Variants in RAB11A observed in about 807,000 individuals in gnomAD.
RAB11A encodes the protein RAB11A, member RAS oncogene family.
In RAB11A, 9 loss-of-function variants were observed where a neutral mutation model predicts 28.0. The ratio of observed to expected loss-of-function variants is 0.32; its 90% CI spans 0.19 to 0.56. RAB11A has a LOEUF of 0.56. RAB11A is among the 20% of genes least tolerant of loss of function. The pLI, the probability that RAB11A is intolerant of heterozygous loss-of-function variation, is 0.91. For synonymous variants in RAB11A, 85 were observed against 88.2 expected (o/e 0.96, Z 0.20); for missense variants, 108 against 269.6 (o/e 0.40, Z 4.20).
At chr15:65,882,028 T>G (rs77186266) in intron 4 of RAB11A, among the ~76,000 whole-genome samples, 27,107 of 151,978 alleles carry the variant, frequency 0.18, 2,577 homozygotes, top group African/African-American at 0.2. Context: ...TCCAGCCTTG[T>G]GGGCAGAGTG....
At chr15:65,884,135 G>C (rs1169143372) in intron 4 of RAB11A, among the ~76,000 whole-genome samples, 1 of 151,564 alleles carries the variant, frequency 6.6e-6, no homozygotes, top group Non-Finnish European at 1.5e-5. Flanking sequence ...ATAAAGACAG[G>C]CTACTAAAAT....
chr15:65,887,969 A>G lies in RAB11A; in HGVS notation c.*129A>G. The G allele has an allele frequency of 3.9e-6, 4 of 1,016,520 alleles. No individual in the cohort carries two copies. The highest frequency in any genetic ancestry group is 5.3e-6 in the Non-Finnish European group (4 of 757,446). 63.0% of individuals were successfully genotyped at this position (1,016,520 alleles called of 1,614,324 possible). A position where few individuals can be genotyped will look rare whatever the true frequency, so the allele number is the denominator to read the frequency against. On this transcript the variant is annotated 3_prime_UTR_variant, in exon 5 of 5. Coordinates refer to ENST00000261890, the MANE Select transcript of RAB11A (RefSeq NM_004663.5). The stretch of plus-strand genomic sequence containing the variant: ...ATACTTATGAATTTTTCCATGTCCT[A>G]AGTCTTTTGATTTTAGCTTTATAAA...
At chr15:65,883,221 C>G (rs2078233900) in intron 4 of RAB11A, among the ~76,000 whole-genome samples, 1 of 152,204 alleles carries the variant, frequency 6.6e-6, no homozygotes, top group Non-Finnish European at 1.5e-5. Flanking sequence ...CCCTTATTAG[C>G]CAAAGAAAGT....
At chr15:65,873,652 C>T (rs573277030) in intron 1 of RAB11A, among the ~76,000 whole-genome samples, 1 of 152,120 alleles carries the variant, frequency 6.6e-6, no homozygotes, top group South Asian at 2.1e-4. Context: ...TTCCTGTGCT[C>T]AAGAAATCCT....
At position 65,869,514 on chromosome 15, in the gene RAB11A, A is replaced by T. The variant is rs962159270; in HGVS notation, c.-72A>T. On this transcript the variant is annotated 5_prime_UTR_variant, in exon 1 of 5. Transcript: ENST00000261890. Reference sequence around the variant, plus strand: ...GCAGTTGAAGCTCGGCGCTCGGGTTACCCCTGCAGCGACGCCCCCTGGTCC... The same window carrying T: ...GCAGTTGAAGCTCGGCGCTCGGGTTTCCCCTGCAGCGACGCCCCCTGGTCC... 37 of 1,567,214 alleles carry T rather than the reference A, an allele frequency of 2.4e-5. No homozygotes were observed. The highest frequency in any genetic ancestry group is 1.7e-4 in the Middle Eastern group (1 of 5,872).
intron 1 of RAB11A, among the ~76,000 whole-genome samples, chr15:65,874,290 G>A (rs1158663400): frequency 2.6e-5 from 4 of 151,010 alleles, no homozygotes; most frequent in East Asian, 1.9e-4. Context: ...GCAATGGCGC[G>A]ATTTCAGCTT....
intron 4 of RAB11A, among the ~76,000 whole-genome samples, chr15:65,885,045 T>A (rs1370937139): frequency 6.8e-6 from 1 of 146,688 alleles, no homozygotes; most frequent in Non-Finnish European, 1.5e-5. Flanking sequence ...CACTGCTCAC[T>A]GAGTGAGACT....
At chr15:65,886,043 T>G (rs2078253929) in intron 4 of RAB11A, among the ~76,000 whole-genome samples, 1 of 152,222 alleles carries the variant, frequency 6.6e-6, no homozygotes, top group Admixed American at 6.5e-5. Context: ...GAAAAAACAA[T>G]TGTCCCTTTT....
intron 3 of RAB11A, 128 bp from the exon 4 acceptor site, chr15:65,879,543 T>G: frequency 1.6e-6 from 1 of 611,710 alleles, no homozygotes. Flanking sequence ...ATGGTGCCCT[T>G]ACTGTCCCAG....
intron 1 of RAB11A, among the ~76,000 whole-genome samples, chr15:65,872,434 C>CT (rs766926004): frequency 0.015 from 2,011 of 136,086 alleles, 27 homozygotes; most frequent in Non-Finnish European, 0.023. Context: ...AGGATTTCTA[C>CT]TTTTTTTTTT....
intron 4 of RAB11A, among the ~76,000 whole-genome samples, chr15:65,883,122 A>G (rs1222467596): frequency 1.3e-5 from 2 of 152,218 alleles, no homozygotes; most frequent in Non-Finnish European, 2.9e-5. Flanking sequence ...GCCACAGTAT[A>G]ATTATCAAAA....
intron 4 of RAB11A, among the ~76,000 whole-genome samples, chr15:65,887,293 C>T (rs545334035): frequency 6.6e-6 from 1 of 152,176 alleles, no homozygotes; most frequent in African/African-American, 2.4e-5. Context: ...CCTGCCTCAG[C>T]CTCCCGAGTA....
intron 1 of RAB11A, among the ~76,000 whole-genome samples, chr15:65,873,105 A>C (rs886558177): frequency 3.9e-5 from 6 of 152,256 alleles, no homozygotes; most frequent in Non-Finnish European, 7.3e-5. Flanking sequence ...CTTGAACAGT[A>C]ACCTTTATTT....
chr15:65,889,668 A>G lies in RAB11A; in HGVS notation c.*1828A>G, dbSNP rs986086161. On this transcript the variant is annotated 3_prime_UTR_variant, in exon 5 of 5. Transcript: ENST00000261890. ...CATTAGGAAAGTAGTGTGTATTTTC[A>G]TATATAACAGTGTCACCAGACCCAG... The G allele has an allele frequency of 1.3e-5, 2 of 152,244 alleles. No individual in the cohort carries two copies. The highest frequency in any genetic ancestry group is 2.9e-5 in the Non-Finnish European group (2 of 68,046). The allele number at this position is 152,244 out of a possible 1,614,324, so 9.4% of individuals were successfully genotyped here. A position where few individuals can be genotyped will look rare whatever the true frequency, so the allele number is the denominator to read the frequency against.
chr15:65,886,326 T>A (rs555671624), intron 4 of RAB11A, among the ~76,000 whole-genome samples: 1 of 152,232 alleles, frequency 6.6e-6, no homozygotes, highest in East Asian at 1.9e-4. Flanking sequence ...TTAAAATAGA[T>A]GGCTACTCTC....
chr15:65,886,502 G>A (rs1018917178), intron 4 of RAB11A, among the ~76,000 whole-genome samples: 14 of 152,166 alleles, frequency 9.2e-5, no homozygotes, highest in African/African-American at 2.9e-4. Context: ...GGCTAATTGT[G>A]TTAATTTGAC....
rs1294296140 is a variant in RAB11A at position 65,890,908 on chromosome 15, T to C, written c.*3068T>C. 4 of 152,226 alleles carry C rather than the reference T, an allele frequency of 2.6e-5. No individual in the cohort carries two copies. The highest frequency in any genetic ancestry group is 3.2e-3 in the Middle Eastern group (1 of 316). The allele number at this position is 152,226 out of a possible 1,614,324, so 9.4% of individuals were successfully genotyped here. ...TTGATTTTCTGATGTCTCACAAATA[T>C]CACATACCTGGAAAAAAATTAAAAC... On this transcript the variant is annotated 3_prime_UTR_variant, in exon 5 of 5. Transcript: ENST00000261890.
chr15:65,877,572 A>T lies in RAB11A; in HGVS notation c.236+45A>T. On this transcript the variant is annotated intron_variant, in intron 2 of 4. Transcript: ENST00000261890. The surrounding 1 kb of genome is among the most constrained non-coding windows in gnomAD (Gnocchi z 4.1). ...AGTTCTGTGAAATGGGTTGCCATCG[A>T]GTGAATTAGCTGACTTTTGGTATTG... is the stretch of plus-strand genomic sequence containing the variant. The T allele has an allele frequency of 1.3e-6, 2 of 1,557,584 alleles. No individual in the cohort carries two copies. The highest frequency in any genetic ancestry group is 1.7e-6 in the Non-Finnish European group (2 of 1,143,994).
At position 65,877,380 on chromosome 15, in the gene RAB11A, G is replaced by A. The variant is rs1449908676; in HGVS notation, c.89G>A (p.Arg30Gln). The change falls in exon 2 of 5, where the codon CGA (arginine) becomes CAA (glutamine). Residue 30 changes from arginine to glutamine, a missense_variant. Transcript: ENST00000261890. This position sits in a 1 kb window ranked among gnomAD's most constrained non-coding sequence, Gnocchi z 4.1. ...SGVGKSNLLS[R>Q]FTRNEFNLES... ...GTTGGAAAGAGTAATCTCCTGTCTCGATTTACTCGAAATGAGTTTAATCTG... is the reference window on the plus strand; with the variant it reads ...GTTGGAAAGAGTAATCTCCTGTCTCAATTTACTCGAAATGAGTTTAATCTG... 6.2e-7 allele frequency: 1 copy of A among 1,613,752 alleles called. No individual in the cohort carries two copies. Among genetic ancestry groups the A allele is most frequent in the Non-Finnish European group, 8.5e-7 (1 of 1,179,902 alleles).
Sources: allele counts gnomAD v4.1 joint callset (sites outside exome capture counted in the v4.1 genomes callset), GRCh38; gene constraint gnomAD v4.1.1; non-coding constraint Gnocchi (gnomAD v3.1); transcripts MANE v1.5; gene names NCBI Gene and HGNC (gene_info 2026-07-23, HGNC 2026-07-21).